WDR72: variants seen among roughly 807,000 people sequenced by gnomAD.
WDR72 encodes the protein WD repeat-containing protein 72.
In WDR72, 120 loss-of-function variants were observed where a neutral mutation model predicts 124.2. That is an observed-to-expected ratio of 0.97 (90% CI 0.83 to 1.12). WDR72 has a LOEUF of 1.12. Among genes scored for constraint, WDR72 ranks in the 50% most tolerant of loss-of-function variants. The pLI, the probability that WDR72 is intolerant of heterozygous loss-of-function variation, is 0.00. For missense variants in WDR72, 1,387 were observed against 1,278.8 expected, an observed-to-expected ratio of 1.08 and a Z score of -1.29; for synonymous variants, 452 against 441.7, an observed-to-expected ratio of 1.02 and a Z score of -0.29.
chr15:53,761,827 A>AGAACAAAAACAATC (rs11273108), upstream of WDR72, among the ~76,000 whole-genome samples: 1 of 15,246 alleles, frequency 6.6e-5, no homozygotes, highest in African/African-American at 7.8e-5. Context: ...GTCAAAAACA[A>AGAACAAAAACAATC]AAACAAAAAC....
At chr15:53,680,478 G>T (rs527689218) in intron 13 of WDR72, among the ~76,000 whole-genome samples, 104 of 152,186 alleles carry the variant, frequency 6.8e-4, no homozygotes, top group Middle Eastern at 3.4e-3. Flanking sequence ...CTCTAATAAG[G>T]AACATGTAAC....
chr15:53,715,228 TTGA>T lies in WDR72; in HGVS notation c.476_478del (p.Ile159del), dbSNP rs2017669340. On this transcript the variant is annotated inframe_deletion, in exon 5 of 20. Transcript: ENST00000360509. ...CATGGAGTGAACAATGCACATGCAG[TTGA>T]TCCAGTCAGGAAACTGAGATGATCT... The T allele has an allele frequency of 6.2e-7, 1 of 1,614,050 alleles. No individual in the cohort carries two copies. The highest frequency in any genetic ancestry group is 1.3e-5 in the African/African-American group (1 of 74,932).
At chr15:53,547,220 A>G (rs1329346827) in intron 18 of WDR72, among the ~76,000 whole-genome samples, 1 of 152,186 alleles carries the variant, frequency 6.6e-6, no homozygotes, top group East Asian at 1.9e-4. Context: ...GGAAACACCA[A>G]GTCCTGGGTT....
rs544482725 is a variant in WDR72, at chr15:53,738,071, A to T, written c.-12-4910T>A. On this transcript the variant is annotated intron_variant, in intron 1 of 19. Coordinates refer to ENST00000360509, the MANE Select transcript of WDR72 (RefSeq NM_182758.4). Reference sequence around the variant, plus strand: ...TCTGAATGTTTGGAAACTAAAAAAAATTCTAAATGATCCCTGGGCTACCAA... The same window carrying T: ...TCTGAATGTTTGGAAACTAAAAAAATTTCTAAATGATCCCTGGGCTACCAA... Among the ~76,000 whole-genome samples the T allele has an allele frequency of 5.5e-4, 84 of 152,328 alleles. 2 individuals carry two copies. Among genetic ancestry groups the T allele is most frequent in the African/African-American group, 1.9e-3 (81 of 41,582 alleles).
At chr15:53,531,304 TAGTG>T (rs34350392) in intron 18 of WDR72, among the ~76,000 whole-genome samples, 44,749 of 151,766 alleles carry the variant, frequency 0.29, 7,269 homozygotes, top group Non-Finnish European at 0.36. Context: ...ACGCAATCAG[TAGTG>T]AGTATCACTT....
intron 13 of WDR72, among the ~76,000 whole-genome samples, chr15:53,685,134 A>T (rs968789646): frequency 3.9e-4 from 59 of 151,102 alleles, no homozygotes; most frequent in Non-Finnish European, 8.0e-4. Flanking sequence ...AAAAACTGGA[A>T]ACTCTAAAAC....
At chr15:53,664,029 T>C (rs2015696591) in intron 14 of WDR72, among the ~76,000 whole-genome samples, 1 of 152,024 alleles carries the variant, frequency 6.6e-6, no homozygotes, top group Admixed American at 6.6e-5. Context: ...AGGAGGAAAG[T>C]ACGAACAAAA....
At chr15:53,555,139 C>T (rs1048910705) in intron 18 of WDR72, among the ~76,000 whole-genome samples, 3 of 151,788 alleles carry the variant, frequency 2.0e-5, no homozygotes, top group African/African-American at 7.3e-5. Flanking sequence ...AATAGCAGGG[C>T]TGGTACTTAG....
At chr15:53,594,253 T>C (rs1256488456) in intron 18 of WDR72, among the ~76,000 whole-genome samples, 1 of 151,624 alleles carries the variant, frequency 6.6e-6, no homozygotes, top group African/African-American at 2.4e-5. Flanking sequence ...CCATCATCTT[T>C]TACTTTCCAA....
chr15:53,553,629 A>G (rs555699313), intron 18 of WDR72, among the ~76,000 whole-genome samples: 7 of 152,150 alleles, frequency 4.6e-5, no homozygotes, highest in Non-Finnish European at 7.4e-5. Context: ...AGGAAATGCT[A>G]TATGCATTTC....
In WDR72 at chr15:53,708,017, T is replaced by C. The variant is rs1267078835; in HGVS notation, c.955-1943A>G. Among the ~76,000 whole-genome samples, 3 of 152,170 alleles carry C rather than the reference T, an allele frequency of 2.0e-5. No individual in the cohort carries two copies. In the East Asian group the frequency reaches 5.8e-4, roughly 29 times the overall value. On this transcript the variant is annotated intron_variant, in intron 9 of 19. Coordinates refer to ENST00000360509, the MANE Select transcript of WDR72 (RefSeq NM_182758.4). ...CAGCTGAAGTTCCCTGTTGCTCTCA[T>C]CCCCTCTGCCTTCACCTTCCACATT...
At position 53,711,339 on chromosome 15, in the gene WDR72, T is replaced by C. The variant is rs749717416; in HGVS notation, c.854A>G (p.Asn285Ser). The change falls in exon 8 of 20, where the codon AAC becomes AGC. Residue 285 changes from asparagine (N) to serine (S), a missense_variant. Coordinates refer to ENST00000360509, the MANE Select transcript of WDR72 (RefSeq NM_182758.4). ...TGCCGCTCCCATCTGAGCCCACCTG[T>C]TCAGCAGCTGATAGATGTAACTGTG... ...DGHSYIYQLLNSGLSKSIYPA... is the reference protein window; with the variant it reads ...DGHSYIYQLLSSGLSKSIYPA... The C allele has an allele frequency of 6.2e-7, 1 of 1,614,206 alleles. No individual in the cohort carries two copies. Among genetic ancestry groups the C allele is most frequent in the Non-Finnish European group, 8.5e-7 (1 of 1,180,040 alleles).
At chr15:53,711,886 A>G (rs112381650) in intron 7 of WDR72, among the ~76,000 whole-genome samples, 34 of 152,198 alleles carry the variant, frequency 2.2e-4, no homozygotes, top group African/African-American at 8.2e-4. Flanking sequence ...TTATCACCAC[A>G]CAAGTAAGAC....
At chr15:53,651,696 A>T (rs2015246637) in intron 14 of WDR72, among the ~76,000 whole-genome samples, 2 of 152,188 alleles carry the variant, frequency 1.3e-5, no homozygotes, top group Non-Finnish European at 2.9e-5. Flanking sequence ...TCTATTGCTC[A>T]GGCTGGAGTG....
At chr15:53,517,859 A>G in intron 19 of WDR72, 105 bp from the exon 20 acceptor site, 1 of 1,055,086 alleles carries the variant, frequency 9.5e-7, no homozygotes, top group Non-Finnish European at 1.5e-6. Flanking sequence ...GAATAGATAC[A>G]GAAAGGAAGA....
intron 18 of WDR72, 107 bp downstream of exon 18, chr15:53,596,972 G>T: frequency 9.4e-7 from 1 of 1,068,598 alleles, no homozygotes; most frequent in Non-Finnish European, 1.4e-6. Flanking sequence ...TATCACTTGT[G>T]CACCATGATA....
chr15:53,555,451 T>C (rs929894547), intron 18 of WDR72, among the ~76,000 whole-genome samples: 1 of 152,024 alleles, frequency 6.6e-6, no homozygotes, highest in African/African-American at 2.4e-5. Flanking sequence ...AGAGAGAACA[T>C]GTGCAAGTAA....
In WDR72 at chr15:53,547,455, T is replaced by G. The variant is rs906599013; in HGVS notation, c.3149-24133A>C. ...CCTGTTACTATTATAATATCATTCA[T>G]TCTATAAACAATGAGTGCTACTGGG... On this transcript the variant is annotated intron_variant, in intron 18 of 19. Coordinates refer to ENST00000360509, the MANE Select transcript of WDR72 (RefSeq NM_182758.4). Among the ~76,000 whole-genome samples the G allele has an allele frequency of 3.9e-5, 6 of 152,204 alleles. No homozygotes were observed. In the South Asian group the frequency reaches 6.2e-4, roughly 16 times the overall value.
intron 1 of WDR72, among the ~76,000 whole-genome samples, chr15:53,735,951 A>T (rs1376172499): frequency 6.6e-6 from 1 of 152,136 alleles, no homozygotes; most frequent in African/African-American, 2.4e-5. Context: ...AAATATAACA[A>T]ATCTCAAAAG....
Sources: gnomAD v4.1 joint callset for allele counts (sites outside exome capture counted in the v4.1 genomes callset) on GRCh38, gnomAD v4.1.1 for gene constraint, MANE v1.5 for transcripts, NCBI Gene and HGNC (gene_info 2026-07-23, HGNC 2026-07-21) for gene names.